Variants in UBE2D4 observed in about 807,000 individuals in gnomAD.
UBE2D4 encodes the protein ubiquitin-conjugating enzyme E2 D4.
UBE2D4 carries 17 observed loss-of-function variants against 23.0 expected under a neutral mutation model. The ratio of observed to expected loss-of-function variants is 0.74; its 90% confidence interval spans 0.51 to 1.11. The LOEUF is 1.11. Ranked by LOEUF, UBE2D4 falls within the 50% of genes least tolerant of loss-of-function variation. The probability of loss-of-function intolerance (pLI) is 0.00; values close to 1 mark genes in which losing one functional copy is unlikely to be tolerated. For synonymous variants in UBE2D4, 61 were observed against 69.4 expected (o/e 0.88, Z 0.60); for missense variants, 139 against 181.8 (o/e 0.76, Z 1.35).
At chr7:43,928,390 G>A (rs2095937953) in intron 1 of UBE2D4, among the ~76,000 whole-genome samples, 1 of 151,556 alleles carries the variant, frequency 6.6e-6, no homozygotes, top group Non-Finnish European at 1.5e-5. Flanking sequence ...ATTGCCAGAG[G>A]TGGAATTACA....
intron 1 of UBE2D4, among the ~76,000 whole-genome samples, chr7:43,931,437 G>A (rs773159929): frequency 8.5e-5 from 13 of 152,074 alleles, no homozygotes; most frequent in African/African-American, 1.7e-4. Flanking sequence ...GAGTAAGACC[G>A]TATCTTAAAA....
chr7:43,941,814 C>T (rs2095973304), intron 2 of UBE2D4: 1 of 152,272 alleles, frequency 6.6e-6, no homozygotes, highest in Non-Finnish European at 1.5e-5. Context: ...CACAGTGTCT[C>T]ACGCCTGTAA....
chr7:43,928,302 TG>T (rs1377579040), intron 1 of UBE2D4, among the ~76,000 whole-genome samples: 1 of 152,206 alleles, frequency 6.6e-6, no homozygotes, highest in African/African-American at 2.4e-5. Flanking sequence ...GCATGAGATT[TG>T]GGGGGGACAA....
intron 1 of UBE2D4, among the ~76,000 whole-genome samples, chr7:43,937,852 C>T (rs962848906): frequency 8.8e-5 from 9 of 101,862 alleles, no homozygotes; most frequent in African/African-American, 3.3e-4. Context: ...CAGTGTTAAA[C>T]TTTGGCTCAC....
intron 4 of UBE2D4, chr7:43,943,799 CCTT>C (rs1190907628): frequency 6.6e-6 from 1 of 152,618 alleles, no homozygotes; most frequent in African/African-American, 2.4e-5. Context: ...ACCTCGTACT[CCTT>C]CTCACCTGGG....
intron 1 of UBE2D4, among the ~76,000 whole-genome samples, chr7:43,933,160 GTA>G (rs150783942): frequency 2.6e-4 from 38 of 147,110 alleles, no homozygotes; most frequent in Non-Finnish European, 3.8e-4. Flanking sequence ...ATGTGTGGGT[GTA>G]TATATATATA....
rs182021066 is a variant in UBE2D4 at position 43,942,877 on chromosome 7, C to T, written c.120+20C>T. 103 of 1,614,168 alleles carry T rather than the reference C, an allele frequency of 6.4e-5. No homozygotes were observed. Among genetic ancestry groups the T allele is most frequent in the East Asian group, 1.8e-4 (8 of 44,882 alleles). On this transcript the variant is annotated intron_variant, in intron 3 of 6. Transcript: ENST00000222402. ...GGCCCGGTAGGTAGTAGCTGCTGAG[C>T]GCACCACTCCAGTTTTGCTTCTTGC...
At chr7:43,951,897 A>G (rs560245953) in intron 6 of UBE2D4, 3 of 152,362 alleles carry the variant, frequency 2.0e-5, no homozygotes, top group Non-Finnish European at 4.4e-5. Context: ...AGTTTTCTCA[A>G]TAACAGTCAA....
chr7:43,950,672 C>CT lies in UBE2D4; in HGVS notation c.379dup (p.Tyr127LeufsTer50). 1 of 1,614,202 alleles carries CT rather than the reference C, an allele frequency of 6.2e-7. No individual in the cohort carries two copies. Among genetic ancestry groups the CT allele is most frequent in the Non-Finnish European group, 8.5e-7 (1 of 1,180,006 alleles). ...CCCTGGTGCCAGAGATAGCACACAC[C>CT]TACAAGGCCGACAGAGAGAAGTACG... On this transcript the variant is annotated frameshift_variant, in exon 6 of 7. Coordinates refer to ENST00000222402, the MANE Select transcript of UBE2D4 (RefSeq NM_015983.4). LOFTEE classifies it high-confidence loss of function.
At chr7:43,940,446 G>A (rs2095969001) in intron 2 of UBE2D4, among the ~76,000 whole-genome samples, 1 of 152,178 alleles carries the variant, frequency 6.6e-6, no homozygotes, top group Non-Finnish European at 1.5e-5. Context: ...AGCCTTACCT[G>A]TCTAGAGGCA....
chr7:43,931,897 A>G (rs776559357), intron 1 of UBE2D4, among the ~76,000 whole-genome samples: 15 of 151,864 alleles, frequency 9.9e-5, no homozygotes, highest in Non-Finnish European at 1.9e-4. Flanking sequence ...CCATGTTGCC[A>G]GGCTGGTCTT....
chr7:43,930,915 C>G (rs113633096), intron 1 of UBE2D4, among the ~76,000 whole-genome samples: 2,047 of 151,874 alleles, frequency 0.013, 25 homozygotes, highest in Admixed American at 0.034. Flanking sequence ...GCGGGCAGAT[C>G]ATCTGAGGTT....
rs1009851560 is a variant in UBE2D4, at chr7:43,940,886, A to T, written c.89-1940A>T. On this transcript the variant is annotated intron_variant, in intron 2 of 6. Transcript: ENST00000222402. ...GCATGAATTGGAATAAAAACAGTCA[A>T]AAGCAAAAAAAAGTGATATTTTTAT... 3.0e-5 allele frequency: 3 copies of T among 100,356 alleles called. No homozygotes were observed. In the Admixed American group the frequency reaches 3.3e-4, roughly 11 times the overall value. The allele number at this position is 100,356 out of a possible 1,614,324, so 6.2% of individuals were successfully genotyped here.
rs1209066062 is a variant in UBE2D4, at chr7:43,944,792, C to T, written c.198+1761C>T. ...TTCATGGTGCTGTGATCCACCCCTTCTCCCTTCCCCTCTGGAGAGACTGTG... is the reference window on the plus strand; with the variant it reads ...TTCATGGTGCTGTGATCCACCCCTTTTCCCTTCCCCTCTGGAGAGACTGTG... On this transcript the variant is annotated intron_variant, in intron 4 of 6. Transcript: ENST00000222402. This position sits in a 1 kb window ranked among gnomAD's most constrained non-coding sequence, Gnocchi z 4.0. 6.6e-6 allele frequency: 1 copy of T among 152,192 alleles called. No individual in the cohort carries two copies. Among genetic ancestry groups the T allele is most frequent in the Non-Finnish European group, 1.5e-5 (1 of 68,048 alleles). The allele number at this position is 152,192 out of a possible 1,614,324, so 9.4% of individuals were successfully genotyped here.
chr7:43,943,066 A>T (rs770703503), intron 4 of UBE2D4, 35 bp downstream of exon 4: 8 of 1,603,710 alleles, frequency 5.0e-6, no homozygotes, highest in Non-Finnish European at 6.8e-6. Flanking sequence ...TGATGTTTGG[A>T]TGAAGGACAG....
At chr7:43,931,597 A>C (rs1428784650) in intron 1 of UBE2D4, among the ~76,000 whole-genome samples, 1 of 88,926 alleles carries the variant, frequency 1.1e-5, no homozygotes, top group Non-Finnish European at 2.2e-5. Flanking sequence ...TCACTGTGGA[A>C]GGCAAACCGG....
intron 6 of UBE2D4, among the ~76,000 whole-genome samples, chr7:43,951,092 GC>G (rs2096001352): frequency 6.6e-6 from 1 of 152,226 alleles, no homozygotes; most frequent in Non-Finnish European, 1.5e-5. Context: ...TGTCTGCTTG[GC>G]TATACCGAAG....
rs980363711 is a variant in UBE2D4, at chr7:43,955,211, T to C, written c.*2516T>C. The C allele has an allele frequency of 6.6e-6, 1 of 152,158 alleles. No individual in the cohort carries two copies. Among genetic ancestry groups the C allele is most frequent in the Non-Finnish European group, 1.5e-5 (1 of 68,026 alleles). The allele number at this position is 152,158 out of a possible 1,614,324, so 9.4% of individuals were successfully genotyped here. A position where few individuals can be genotyped will look rare whatever the true frequency, so the allele number is the denominator to read the frequency against. ...CTGTGGTACAGTCAATGTAACCCAC[T>C]TGTGCAGAAGCCATGCTTCCAAGGA... On this transcript the variant is annotated 3_prime_UTR_variant, in exon 7 of 7. Coordinates refer to ENST00000222402, the MANE Select transcript of UBE2D4 (RefSeq NM_015983.4).
At chr7:43,932,750 G>A (rs1022393028) in intron 1 of UBE2D4, among the ~76,000 whole-genome samples, 11 of 151,540 alleles carry the variant, frequency 7.3e-5, no homozygotes, top group Admixed American at 2.0e-4. Context: ...CCAAGATGGC[G>A]CCACGGCACT....
Sources: gnomAD v4.1 joint callset for allele counts (sites outside exome capture counted in the v4.1 genomes callset) on GRCh38, gnomAD v4.1.1 for gene constraint, Gnocchi (gnomAD v3.1) non-coding constraint, MANE v1.5 for transcripts, NCBI Gene and HGNC (gene_info 2026-07-23, HGNC 2026-07-21) for gene names.